The following NAV3 variants were observed in gnomAD, a reference collection of about 807,000 sequenced individuals.
NAV3 encodes neuron navigator 3.
NAV3 carries 87 observed loss-of-function variants against 244.7 expected under a neutral mutation model. That is an observed-to-expected ratio of 0.36 (90% CI 0.30 to 0.42). NAV3 has a LOEUF of 0.42. Ranked by LOEUF, NAV3 falls within the 20% of genes least tolerant of loss-of-function variation. NAV3 has a pLI of 1.00. For missense variants in NAV3, 2,663 were observed against 2,893.3 expected, an observed-to-expected ratio of 0.92 and a Z score of 1.83; for synonymous variants, 1,126 against 1,042.2, an observed-to-expected ratio of 1.08 and a Z score of -1.55.
Position 78,058,982 on chromosome 12 carries a change from A to C in NAV3, c.2517-14A>C. The C allele has an allele frequency of 6.3e-7, 1 of 1,581,218 alleles. No individual in the cohort carries two copies. The highest frequency in any genetic ancestry group is 8.6e-7 in the Non-Finnish European group (1 of 1,166,220). On this transcript the variant is annotated splice_polypyrimidine_tract_variant and intron_variant, in intron 11 of 39. Coordinates refer to ENST00000397909, the MANE Select transcript of NAV3 (RefSeq NM_001024383.2). ...ATTTAGTTTTCTGTGAATTAATTAG[A>C]CATTTCTTTTCAGGTACATGACAGA...
At chr12:77,840,535 A>T (rs1204089594) in intron 1 of NAV3, among the ~76,000 whole-genome samples, 3 of 152,200 alleles carry the variant, frequency 2.0e-5, no homozygotes, top group African/African-American at 7.2e-5. Context: ...TGTTTGGATT[A>T]AGCTATTAAT....
chr12:77,726,228 C>T (rs950167325), intron 2 of NAV3, among the ~76,000 whole-genome samples: 1 of 151,884 alleles, frequency 6.6e-6, no homozygotes, highest in African/African-American at 2.4e-5. Context: ...GCATTTTTCA[C>T]TTACACTTGT....
chr12:77,921,756 T>G (rs1410647645), intron 1 of NAV3, among the ~76,000 whole-genome samples: 5 of 152,100 alleles, frequency 3.3e-5, no homozygotes, highest in Non-Finnish European at 5.9e-5. Context: ...CTCTTTTTAT[T>G]TTTTATACCA....
chr12:77,754,663 C>G (rs28495387), intron 2 of NAV3, among the ~76,000 whole-genome samples: 3,785 of 152,200 alleles, frequency 0.025, 168 homozygotes, highest in African/African-American at 0.086. Flanking sequence ...GAATGGCAGC[C>G]CCATTGACTA....
chr12:78,006,383 C>A (rs756800604), intron 7 of NAV3, 36 bp from the exon 8 acceptor site: 4 of 1,566,518 alleles, frequency 2.6e-6, no homozygotes, highest in South Asian at 1.1e-5. Flanking sequence ...CAAGATTAAT[C>A]GCCTTTTCTT....
chr12:77,873,183 G>A (rs1276294252), intron 1 of NAV3, among the ~76,000 whole-genome samples: 1 of 152,126 alleles, frequency 6.6e-6, no homozygotes, highest in African/African-American at 2.4e-5. Context: ...CAGCCATGTG[G>A]AACTTGAGTC....
At chr12:78,188,180 G>C (rs1958811134) in intron 31 of NAV3, 68 bp from the exon 32 acceptor site, 1 of 1,161,272 alleles carries the variant, frequency 8.6e-7, no homozygotes. Context: ...ACTAATTTTA[G>C]TAGAAAATGT....
At chr12:77,743,043 T>A (rs1358831965) in intron 2 of NAV3, among the ~76,000 whole-genome samples, 1 of 151,884 alleles carries the variant, frequency 6.6e-6, no homozygotes, top group Non-Finnish European at 1.5e-5. Context: ...TGCTTGATAC[T>A]TACCATAGAT....
chr12:77,807,844 C>T (rs958599462), intron 2 of NAV3, among the ~76,000 whole-genome samples: 10 of 152,230 alleles, frequency 6.6e-5, no homozygotes, highest in African/African-American at 2.4e-4. Flanking sequence ...TTCACATAGT[C>T]CCATATTTCT....
chr12:78,031,732 T>C (rs1879015761), intron 9 of NAV3, among the ~76,000 whole-genome samples: 1 of 88,262 alleles, frequency 1.1e-5, no homozygotes, highest in African/African-American at 4.6e-5. Flanking sequence ...CTGGCGACTG[T>C]GGTGGGGTGG....
At chr12:77,881,060 C>A (rs573446315) in intron 1 of NAV3, among the ~76,000 whole-genome samples, 1 of 152,316 alleles carries the variant, frequency 6.6e-6, no homozygotes, top group South Asian at 2.1e-4. Flanking sequence ...CCTCAAACTC[C>A]TCAGTCTCCT....
intron 1 of NAV3, among the ~76,000 whole-genome samples, chr12:77,838,823 G>A (rs1167399539): frequency 1.3e-5 from 2 of 152,218 alleles, no homozygotes; most frequent in Non-Finnish European, 2.9e-5. Context: ...GATCCTAAAA[G>A]TGTAAATCAT....
intron 2 of NAV3, among the ~76,000 whole-genome samples, chr12:77,768,421 T>A (rs1454700469): frequency 6.6e-6 from 1 of 152,214 alleles, no homozygotes; most frequent in Non-Finnish European, 1.5e-5. Context: ...CCTTCAGGCC[T>A]GCACCAAGCT....
chr12:78,186,425 A>G (rs1467774823), intron 31 of NAV3, among the ~76,000 whole-genome samples: 1 of 151,914 alleles, frequency 6.6e-6, no homozygotes, highest in African/African-American at 2.4e-5. Context: ...GCACTTGTGA[A>G]TTCTTACCTT....
At chr12:77,780,107 G>T (rs535376046) in intron 2 of NAV3, among the ~76,000 whole-genome samples, 59 of 152,200 alleles carry the variant, frequency 3.9e-4, no homozygotes, top group South Asian at 3.3e-3. Context: ...GCCATATAGG[G>T]TTTGTCAGAC....
chr12:77,601,715 T>C (rs1870439998), intron 2 of NAV3, among the ~76,000 whole-genome samples: 1 of 151,970 alleles, frequency 6.6e-6, no homozygotes, highest in Non-Finnish European at 1.5e-5. Context: ...ACATGTTTTA[T>C]AGAAGATTAT....
intron 16 of NAV3, 25 bp downstream of exon 16, chr12:78,122,453 A>G (rs1955715305): frequency 6.4e-7 from 1 of 1,553,274 alleles, no homozygotes; most frequent in Non-Finnish European, 8.6e-7. Context: ...AGGCATTGAT[A>G]ACATCTTCCC....
Position 78,116,887 on chromosome 12 carries a change from T to A in NAV3, c.2752T>A (p.Ser918Thr), listed in dbSNP as rs1390421284. The change falls in exon 13 of 40, where the codon TCT becomes ACT. Residue 918 changes from serine to threonine, a missense_variant. Ser to Thr is a moderately conservative substitution (Grantham distance 58, BLOSUM62 1). Transcript: ENST00000397909. ...VSSYSNITVP[S>T]RKNTQLRTDS... ...CTCTTACTCCAACATCACCGTCCCC[T>A]CTAGGAAGAATACTCAGGTGAGAAT... The A allele has an allele frequency of 6.2e-7, 1 of 1,612,092 alleles. No homozygotes were observed. The highest frequency in any genetic ancestry group is 8.5e-7 in the Non-Finnish European group (1 of 1,178,784).
chr12:77,992,661 G>A (rs1871648967), intron 5 of NAV3, among the ~76,000 whole-genome samples: 1 of 152,166 alleles, frequency 6.6e-6, no homozygotes, highest in Non-Finnish European at 1.5e-5. Context: ...TTAAATCTTA[G>A]TAGCAAGTGA....
Sources: gnomAD v4.1 joint callset for allele counts (sites outside exome capture counted in the v4.1 genomes callset) on GRCh38, gnomAD v4.1.1 for gene constraint, MANE v1.5 for transcripts, NCBI Gene and HGNC (gene_info 2026-07-23, HGNC 2026-07-21) for gene names.